The following LRRN1 variants were observed in gnomAD, a reference collection of about 807,000 sequenced individuals.
LRRN1 encodes the protein leucine-rich repeat neuronal protein 1.
A neutral mutation model predicts 45.8 loss-of-function variants in LRRN1; 14 were observed. The ratio of observed to expected loss-of-function variants is 0.31; its 90% CI spans 0.20 to 0.48. The LOEUF (loss-of-function observed/expected upper bound fraction) is 0.48. Among genes scored for constraint, LRRN1 ranks in the 20% least tolerant of loss-of-function variants. The pLI is 0.99. For synonymous variants in LRRN1, 359 were observed against 330.1 expected (o/e 1.09, Z -0.95); for missense variants, 789 against 874.2 (o/e 0.90, Z 1.23).
intron 1 of LRRN1, among the ~76,000 whole-genome samples, chr3:3,835,524 G>A (rs749154683): frequency 1.1e-4 from 17 of 150,546 alleles, no homozygotes; most frequent in Non-Finnish European, 2.2e-4. Context: ...AGCATAATTC[G>A]AATACAGAAC....
At chr3:3,840,599 A>G (rs6442836) in intron 1 of LRRN1, among the ~76,000 whole-genome samples, 141,725 of 152,244 alleles carry the variant, frequency 0.93, 66,633 homozygotes, top group Non-Finnish European at 1. Flanking sequence ...TATCTTAAAC[A>G]TCTCCTTTTT....
Position 3,844,847 on chromosome 3 carries a change from A to G in LRRN1, c.206A>G (p.Asn69Ser). 6.2e-7 allele frequency: 1 copy of G among 1,614,108 alleles called. No homozygotes were observed. Among genetic ancestry groups the G allele is most frequent in the Non-Finnish European group, 8.5e-7 (1 of 1,180,016 alleles). Residue 69 changes from asparagine to serine, a missense_variant, in exon 2 of 2, where the codon AAC (asparagine) becomes AGC (serine). Coordinates refer to ENST00000319331, the MANE Select transcript of LRRN1 (RefSeq NM_020873.7). ...NDLRLTRIPS[N>S]LSSDTQVLLL... ...CTCCGCTTAACAAGGATTCCCAGTA[A>G]CCTCTCTAGTGACACACAAGTGCTT...
intron 1 of LRRN1, among the ~76,000 whole-genome samples, chr3:3,810,030 CT>C (rs1235327982): frequency 6.6e-6 from 1 of 152,108 alleles, no homozygotes; most frequent in Non-Finnish European, 1.5e-5. Flanking sequence ...TGGTGGACCC[CT>C]AGAGTGCTTT....
At chr3:3,806,722 A>G (rs1692768400) in intron 1 of LRRN1, among the ~76,000 whole-genome samples, 1 of 152,192 alleles carries the variant, frequency 6.6e-6, no homozygotes, top group African/African-American at 2.4e-5. Context: ...AAATCCTTAA[A>G]TATTTATCTC....
chr3:3,832,924 G>T (rs1267286980), intron 1 of LRRN1, among the ~76,000 whole-genome samples: 1 of 152,192 alleles, frequency 6.6e-6, no homozygotes, highest in East Asian at 1.9e-4. Context: ...AGATTATTCT[G>T]ATTGCTGCTT....
At chr3:3,800,078 G>C (rs1575273979) in intron 1 of LRRN1, among the ~76,000 whole-genome samples, 159 bp downstream of exon 1, 1 of 151,796 alleles carries the variant, frequency 6.6e-6, no homozygotes, top group South Asian at 2.1e-4. Context: ...CACGGAGCTG[G>C]GGAAAATGAC....
intron 1 of LRRN1, among the ~76,000 whole-genome samples, chr3:3,821,801 T>C (rs1046361739): frequency 3.3e-5 from 5 of 152,206 alleles, no homozygotes; most frequent in Admixed American, 6.5e-5. Context: ...CCTAAACCTA[T>C]TGTCATATTT....
At chr3:3,823,637 G>A (rs1451474687) in intron 1 of LRRN1, among the ~76,000 whole-genome samples, 1 of 152,112 alleles carries the variant, frequency 6.6e-6, no homozygotes, top group Non-Finnish European at 1.5e-5. Context: ...TCCAAATGAG[G>A]TAGGTATAAC....
At position 3,845,271 on chromosome 3, in the gene LRRN1, C is replaced by A. The variant is rs1331430492; in HGVS notation, c.630C>A (p.Asn210Lys). Reference protein sequence around the residue: ...ENPVIGILDMNFKPLANLRSL... With the variant: ...ENPVIGILDMKFKPLANLRSL... Reference sequence around the variant, plus strand: ...CTGTGATTGGAATTCTGGATATGAACTTCAAACCCCTCGCAAATTTGAGAA... The same window carrying A: ...CTGTGATTGGAATTCTGGATATGAAATTCAAACCCCTCGCAAATTTGAGAA... Residue 210 changes from asparagine to lysine, a missense_variant, in exon 2 of 2, where the codon AAC (asparagine) becomes AAA (lysine). Physicochemically the swap from Asn to Lys is moderately conservative, Grantham distance 94. Coordinates refer to ENST00000319331, the MANE Select transcript of LRRN1 (RefSeq NM_020873.7). The surrounding 1 kb of genome is among the most constrained non-coding windows in gnomAD (Gnocchi z 6.5). 6.2e-7 allele frequency: 1 copy of A among 1,614,126 alleles called. No homozygotes were observed. Among genetic ancestry groups the A allele is most frequent in the South Asian group, 1.1e-5 (1 of 91,086 alleles).
chr3:3,816,929 A>G lies in LRRN1; in HGVS notation c.-279+17010A>G, dbSNP rs533528711. 2.6e-5 allele frequency among the ~76,000 whole-genome samples: 4 copies of G among 152,312 alleles called. No homozygotes were observed. Among genetic ancestry groups the G allele is most frequent in the Admixed American group, 6.5e-5 (1 of 15,284 alleles). On this transcript the variant is annotated intron_variant, in intron 1 of 1. Coordinates refer to ENST00000319331, the MANE Select transcript of LRRN1 (RefSeq NM_020873.7). The surrounding 1 kb of genome is among the most constrained non-coding windows in gnomAD (Gnocchi z 4.0). ...TTACTTGAATTAGTCATGATTTGCC[A>G]GAGAAAGAGAATGAATAGGATGGGT...
chr3:3,812,812 TAAAA>T (rs34881587), intron 1 of LRRN1, among the ~76,000 whole-genome samples: 7 of 121,514 alleles, frequency 5.8e-5, no homozygotes, highest in Admixed American at 1.7e-4. Flanking sequence ...ATCTTGGTTG[TAAAA>T]AAAAAAAAAA....
At chr3:3,805,657 A>T (rs78318275) in intron 1 of LRRN1, among the ~76,000 whole-genome samples, 2 of 152,228 alleles carry the variant, frequency 1.3e-5, no homozygotes, top group Non-Finnish European at 2.9e-5. Context: ...CCTTTCTGCA[A>T]GGTGATGTTT....
chr3:3,821,181 G>A (rs1405894319), intron 1 of LRRN1, among the ~76,000 whole-genome samples: 2 of 152,200 alleles, frequency 1.3e-5, no homozygotes, highest in Non-Finnish European at 2.9e-5. Flanking sequence ...ATATAGGGCT[G>A]TGCATGCCTA....
At chr3:3,836,440 C>T (rs766962121) in intron 1 of LRRN1, among the ~76,000 whole-genome samples, 1 of 152,200 alleles carries the variant, frequency 6.6e-6, no homozygotes, top group African/African-American at 2.4e-5. Flanking sequence ...GTACTATTCA[C>T]GCTATTGTGA....
chr3:3,826,616 G>A (rs7611868), intron 1 of LRRN1, among the ~76,000 whole-genome samples: 2,139 of 152,036 alleles, frequency 0.014, 51 homozygotes, highest in African/African-American at 0.049. Context: ...AATGCATTAC[G>A]GAGACTATTA....
chr3:3,826,065 T>C lies in LRRN1; in HGVS notation c.-278-18299T>C, dbSNP rs146167776. 3.3e-4 allele frequency among the ~76,000 whole-genome samples: 51 copies of C among 152,294 alleles called. 1 individual carries two copies. The East Asian group carries it at 8.7e-3, about 26-fold the overall frequency. ...GTTGCCTTTTGGAATTCATGCACTC[T>C]CCAGCCTTCTACATGACTACTGCTT... is the stretch of plus-strand genomic sequence containing the variant. On this transcript the variant is annotated intron_variant, in intron 1 of 1. Transcript: ENST00000319331.
At chr3:3,805,996 C>T (rs1171620271) in intron 1 of LRRN1, among the ~76,000 whole-genome samples, 1 of 152,188 alleles carries the variant, frequency 6.6e-6, no homozygotes, top group African/African-American at 2.4e-5. Flanking sequence ...GAAAAAGGCA[C>T]TCTGCACAGA....
intron 1 of LRRN1, among the ~76,000 whole-genome samples, chr3:3,830,709 C>T (rs1575293653): frequency 1.3e-5 from 2 of 152,150 alleles, no homozygotes; most frequent in East Asian, 1.9e-4. Context: ...CCTTCAGGAC[C>T]TGCTTGAGCC....
rs944248581 is a variant in LRRN1 at position 3,847,977 on chromosome 3, A to G, written c.*1185A>G. Among the ~76,000 whole-genome samples the G allele has an allele frequency of 7.9e-5, 12 of 152,062 alleles. No homozygotes were observed. Among genetic ancestry groups the G allele is most frequent in the African/African-American group, 2.7e-4 (11 of 41,394 alleles). ...CACACATCCCAACCTGTCACACACA[A>G]TGCGTGTGTATATATATATGAATAT... On this transcript the variant is annotated 3_prime_UTR_variant, in exon 2 of 2. Coordinates refer to ENST00000319331, the MANE Select transcript of LRRN1 (RefSeq NM_020873.7).
Sources: allele counts gnomAD v4.1 joint callset (sites outside exome capture counted in the v4.1 genomes callset), GRCh38; gene constraint gnomAD v4.1.1; non-coding constraint Gnocchi (gnomAD v3.1); transcripts MANE v1.5; gene names NCBI Gene and HGNC (gene_info 2026-07-23, HGNC 2026-07-21).